The following AUH variants were observed in gnomAD, a reference collection of about 807,000 sequenced individuals.
AUH encodes AU RNA binding methylglutaconyl-CoA hydratase.
Under a neutral mutation model 42.3 loss-of-function variants are expected in AUH, and 29 were observed. The ratio of observed to expected loss-of-function variants is 0.69; its 90% CI spans 0.51 to 0.93. The LOEUF (loss-of-function observed/expected upper bound fraction) is 0.93, where lower values mean the gene tolerates loss of function less well. Among genes scored for constraint, AUH ranks in the 40% least tolerant of loss-of-function variants. The pLI, the probability that AUH is intolerant of heterozygous loss-of-function variation, is 0.00. For missense variants in AUH, 452 were observed against 438.1 expected, an observed-to-expected ratio of 1.03 and a Z score of -0.28; for synonymous variants, 174 against 166.4, an observed-to-expected ratio of 1.05 and a Z score of -0.35.
chr9:91,238,240 C>T (rs562818870), intron 6 of AUH, among the ~76,000 whole-genome samples: 2 of 152,312 alleles, frequency 1.3e-5, no homozygotes, highest in East Asian at 3.9e-4. Context: ...CAGGCTGCAT[C>T]TTCTGTCCTT....
chr9:91,257,974 T>C (rs1158025232), intron 6 of AUH, among the ~76,000 whole-genome samples: 1 of 152,230 alleles, frequency 6.6e-6, no homozygotes, highest in African/African-American at 2.4e-5. Flanking sequence ...CTTGCAAATA[T>C]TGTGTTAAAT....
chr9:91,222,145 G>T (rs1439801320), intron 6 of AUH, among the ~76,000 whole-genome samples: 1 of 151,608 alleles, frequency 6.6e-6, no homozygotes, highest in African/African-American at 2.4e-5. Context: ...CTAGATGAGT[G>T]ATTTTATCTT....
In AUH at chr9:91,361,909, G is replaced by T. The variant is rs1190576633; in HGVS notation, c.-20C>A. 5 of 1,380,352 alleles carry T rather than the reference G, an allele frequency of 3.6e-6. No homozygotes were observed. In the Admixed American group the frequency reaches 9.5e-5, roughly 26 times the overall value. 85.5% of individuals were successfully genotyped at this position (1,380,352 alleles called of 1,614,324 possible). A position where few individuals can be genotyped will look rare whatever the true frequency, so the allele number is the denominator to read the frequency against. ...CGCCATGTTGTCTGTTTACGGCGTG[G>T]ACCTGCGACGGCCGCTCCGCCCCCG... On this transcript the variant is annotated 5_prime_UTR_variant, in exon 1 of 10. Coordinates refer to ENST00000375731, the MANE Select transcript of AUH (RefSeq NM_001698.3).
intron 3 of AUH, among the ~76,000 whole-genome samples, chr9:91,346,951 G>C (rs962188451): frequency 2.2e-4 from 34 of 151,988 alleles, no homozygotes; most frequent in Non-Finnish European, 2.6e-4. Flanking sequence ...GGAAGAGGGA[G>C]TACAGAGCTT....
chr9:91,292,918 T>G (rs1157522555), intron 6 of AUH, among the ~76,000 whole-genome samples: 1 of 152,168 alleles, frequency 6.6e-6, no homozygotes. Flanking sequence ...TGTGCTTACT[T>G]CATGTCTCTG....
At chr9:91,268,726 G>A (rs755565002) in intron 6 of AUH, among the ~76,000 whole-genome samples, 39 of 151,140 alleles carry the variant, frequency 2.6e-4, no homozygotes, top group Non-Finnish European at 4.4e-4. Flanking sequence ...CACCACGCCC[G>A]GCCCATAGAC....
intron 8 of AUH, among the ~76,000 whole-genome samples, 194 bp from the exon 9 acceptor site, chr9:91,216,300 C>G (rs1826817546): frequency 6.6e-6 from 1 of 152,092 alleles, no homozygotes; most frequent in African/African-American, 2.4e-5. Context: ...CACTTGGGAG[C>G]TGAGTTACCT....
chr9:91,294,761 G>C (rs1827185660), intron 6 of AUH: 1 of 455,694 alleles, frequency 2.2e-6, no homozygotes. Flanking sequence ...CTTCATGGAT[G>C]ACTTGGAGGG....
rs1331123176 is a variant in AUH, at chr9:91,336,688, G to GA, written c.419-11285dup. ...CACACAGACTCGGTCTCCAGAAAAA[G>GA]AAAAAAAAAAAAAGAAAGAAAAAAG... On this transcript the variant is annotated intron_variant, in intron 3 of 9. Coordinates refer to ENST00000375731, the MANE Select transcript of AUH (RefSeq NM_001698.3). Among the ~76,000 whole-genome samples the GA allele has an allele frequency of 4.9e-3, 525 of 107,712 alleles. 4 individuals are homozygous for GA. Among genetic ancestry groups the GA allele is most frequent in the African/African-American group, 0.015 (426 of 29,164 alleles). The allele number at this position is 107,712 out of a possible 152,430, so 70.7% of individuals were successfully genotyped here.
chr9:91,227,825 CT>C, intron 6 of AUH, among the ~76,000 whole-genome samples: 1 of 152,086 alleles, frequency 6.6e-6, no homozygotes, highest in Non-Finnish European at 1.5e-5. Context: ...TGGTTTTTGT[CT>C]TTGGCTCTGT....
chr9:91,357,809 C>T (rs576341823), intron 1 of AUH, among the ~76,000 whole-genome samples: 42 of 152,230 alleles, frequency 2.8e-4, no homozygotes, highest in African/African-American at 7.7e-4. Context: ...CTGTAACCTA[C>T]GAGGGGGAGA....
chr9:91,327,827 C>G (rs932900584), intron 3 of AUH, among the ~76,000 whole-genome samples: 3 of 152,218 alleles, frequency 2.0e-5, no homozygotes, highest in African/African-American at 4.8e-5. Context: ...TGTAACACTG[C>G]TTGGGGCTCC....
chr9:91,332,583 A>C (rs1170091361), intron 3 of AUH, among the ~76,000 whole-genome samples: 1 of 152,216 alleles, frequency 6.6e-6, no homozygotes, highest in East Asian at 1.9e-4. Context: ...CTTGGAAAGG[A>C]GAGTTTTATT....
intron 6 of AUH, among the ~76,000 whole-genome samples, chr9:91,285,249 G>A (rs559364444): frequency 6.7e-6 from 1 of 148,314 alleles, no homozygotes; most frequent in South Asian, 2.2e-4. Flanking sequence ...TCATAGGTGG[G>A]AACTGAACAA....
At chr9:91,327,692 C>A (rs746388353) in intron 3 of AUH, among the ~76,000 whole-genome samples, 1 of 152,212 alleles carries the variant, frequency 6.6e-6, no homozygotes, top group African/African-American at 2.4e-5. Context: ...TGCCCCTGGC[C>A]GGCTCGCCAA....
rs1486281057 is a variant in AUH, at chr9:91,296,048, T to C, written c.628A>G (p.Thr210Ala). 1 of 1,613,938 alleles carries C rather than the reference T, an allele frequency of 6.2e-7. No homozygotes were observed. The highest frequency in any genetic ancestry group is 8.5e-7 in the Non-Finnish European group (1 of 1,180,002). ...ASSAKMGLVE[T>A]KLAIIPGGGG... The stretch of plus-strand genomic sequence containing the variant: ...CCACCAGGAATAATCGCCAATTTTG[T>C]TTCAACCAGGCCCATTTTTGCAGAG... The change falls in exon 6 of 10, where the codon ACA becomes GCA. Residue 210 changes from threonine to alanine, a missense_variant. Coordinates refer to ENST00000375731, the MANE Select transcript of AUH (RefSeq NM_001698.3).
At chr9:91,255,753 T>TA (rs1233549925) in intron 6 of AUH, among the ~76,000 whole-genome samples, 10 of 152,296 alleles carry the variant, frequency 6.6e-5, no homozygotes, top group African/African-American at 2.4e-4. Context: ...AAATAATTTT[T>TA]ATTTTCAACT....
intron 4 of AUH, among the ~76,000 whole-genome samples, chr9:91,324,581 A>G (rs1349893567): frequency 6.6e-6 from 1 of 151,278 alleles, no homozygotes; most frequent in Non-Finnish European, 1.5e-5. Flanking sequence ...TCTCATTTGA[A>G]AAGATAAAAC....
rs749186187 is a variant in AUH, at chr9:91,297,971, GATTA to G, written c.598+9_598+12del. ...CTTTTTTAAATTATGTTTTTAACAGGATTAATTCTTACCTGCTACTCGTATATCA... is the reference window on the plus strand; with the variant it reads ...CTTTTTTAAATTATGTTTTTAACAGGATTCTTACCTGCTACTCGTATATCA... On this transcript the variant is annotated intron_variant, in intron 5 of 9. Coordinates refer to ENST00000375731, the MANE Select transcript of AUH (RefSeq NM_001698.3). 2.5e-6 allele frequency: 4 copies of G among 1,570,342 alleles called. No individual in the cohort carries two copies. The highest frequency in any genetic ancestry group is 3.3e-5 in the Admixed American group (2 of 59,928).
Sources: allele counts gnomAD v4.1 joint callset (sites outside exome capture counted in the v4.1 genomes callset), GRCh38; gene constraint gnomAD v4.1.1; transcripts MANE v1.5; gene names NCBI Gene and HGNC (gene_info 2026-07-23, HGNC 2026-07-21).